Variants in C3orf20 observed in about 807,000 individuals in gnomAD.
C3orf20 encodes the protein uncharacterized protein C3orf20.
A neutral mutation model predicts 88.3 loss-of-function variants in C3orf20; 76 were observed. That is an observed-to-expected ratio of 0.86 (90% CI 0.72 to 1.04). C3orf20 has a LOEUF of 1.04. Among genes scored for constraint, C3orf20 ranks in the 50% least tolerant of loss-of-function variants. The pLI is 0.00. For synonymous variants in C3orf20, 436 were observed against 437.4 expected, an observed-to-expected ratio of 1.00 and a Z score of 0.04; for missense variants, 1,056 against 1,123.3, an observed-to-expected ratio of 0.94 and a Z score of 0.86.
At chr3:14,758,435 C>T (rs2035453034) in intron 13 of C3orf20, among the ~76,000 whole-genome samples, 1 of 152,164 alleles carries the variant, frequency 6.6e-6, no homozygotes, top group African/African-American at 2.4e-5. Flanking sequence ...GTCGTTCCCA[C>T]CTATCAGGCT....
At chr3:14,731,134 G>A (rs1475367410) in intron 12 of C3orf20, among the ~76,000 whole-genome samples, 1 of 152,126 alleles carries the variant, frequency 6.6e-6, no homozygotes, top group African/African-American at 2.4e-5. Flanking sequence ...CTATTCCTTT[G>A]TAGCCAAACC....
intron 12 of C3orf20, among the ~76,000 whole-genome samples, chr3:14,741,717 T>C (rs57973107): frequency 0.067 from 10,146 of 152,272 alleles, 583 homozygotes; most frequent in African/African-American, 0.16. Flanking sequence ...CTGGCGGTGT[T>C]ACAGCTCTGG....
chr3:14,725,461 T>A (rs974449364), intron 10 of C3orf20, among the ~76,000 whole-genome samples: 2 of 152,286 alleles, frequency 1.3e-5, no homozygotes, highest in Admixed American at 1.3e-4. Flanking sequence ...AATATTTCCA[T>A]CAAGGCAGCT....
chr3:14,688,278 C>A (rs984221118), intron 4 of C3orf20, among the ~76,000 whole-genome samples: 1 of 151,900 alleles, frequency 6.6e-6, no homozygotes, highest in African/African-American at 2.4e-5. Context: ...GACTGTAATC[C>A]CAGCACTTTG....
chr3:14,703,558 G>A (rs2033369785), intron 6 of C3orf20, among the ~76,000 whole-genome samples: 1 of 152,222 alleles, frequency 6.6e-6, no homozygotes, highest in Non-Finnish European at 1.5e-5. Context: ...GGCAGCCTAA[G>A]CAGGTATGTG....
intron 15 of C3orf20, among the ~76,000 whole-genome samples, chr3:14,767,677 T>A (rs1188109569): frequency 6.6e-6 from 1 of 152,232 alleles, no homozygotes; most frequent in African/African-American, 2.4e-5. Flanking sequence ...TGTCATGAAT[T>A]CTGTAAAAGA....
intron 15 of C3orf20, among the ~76,000 whole-genome samples, chr3:14,770,701 A>G (rs1325085572): frequency 6.6e-6 from 1 of 152,150 alleles, no homozygotes; most frequent in East Asian, 1.9e-4. Flanking sequence ...GGCCGGACGC[A>G]TAGTAGAGGC....
intron 1 of C3orf20, among the ~76,000 whole-genome samples, chr3:14,676,195 A>G (rs1014501995): frequency 1.4e-5 from 2 of 139,612 alleles, no homozygotes; most frequent in African/African-American, 5.4e-5. Flanking sequence ...CTCTCCATGC[A>G]CAGCCATAGT....
chr3:14,685,464 C>CTG (rs2032350072), intron 4 of C3orf20, among the ~76,000 whole-genome samples: 1 of 103,546 alleles, frequency 9.7e-6, no homozygotes, highest in Non-Finnish European at 2.0e-5. Context: ...CTCTGTTTCT[C>CTG]TCTCTCTCTC....
intron 7 of C3orf20, among the ~76,000 whole-genome samples, chr3:14,712,153 G>GACACAC (rs1190014286): frequency 1.4e-5 from 2 of 139,798 alleles, no homozygotes; most frequent in Admixed American, 1.5e-4. Flanking sequence ...AGAGAAAACA[G>GACACAC]ACACACACAC....
Position 14,772,214 on chromosome 3 carries a change from A to T in C3orf20, c.2630+13A>T. Reference sequence around the variant, plus strand: ...TGGAGGCTGAGAAGTAGGTGACCACATCAGCTGCCAGAATGGGCGTGGCTC... The same window carrying T: ...TGGAGGCTGAGAAGTAGGTGACCACTTCAGCTGCCAGAATGGGCGTGGCTC... On this transcript the variant is annotated intron_variant, in intron 16 of 16. Coordinates refer to ENST00000253697, the MANE Select transcript of C3orf20 (RefSeq NM_032137.5). This position sits in a 1 kb window ranked among gnomAD's most constrained non-coding sequence, Gnocchi z 4.2. The T allele has an allele frequency of 6.2e-7, 1 of 1,614,226 alleles. No individual in the cohort carries two copies. Among genetic ancestry groups the T allele is most frequent in the East Asian group, 2.2e-5 (1 of 44,886 alleles).
chr3:14,716,820 G>T (rs1307176815), intron 9 of C3orf20, among the ~76,000 whole-genome samples: 2 of 152,196 alleles, frequency 1.3e-5, no homozygotes, highest in Non-Finnish European at 2.9e-5. Context: ...ATAAAATAAA[G>T]ATCCCAGGCA....
At chr3:14,703,399 T>C in intron 6 of C3orf20, 137 bp downstream of exon 6, 1 of 1,409,156 alleles carries the variant, frequency 7.1e-7, no homozygotes. Context: ...GTGGGTTATG[T>C]GGTACTCCCC....
intron 15 of C3orf20, among the ~76,000 whole-genome samples, chr3:14,770,238 A>AGT (rs756298682): frequency 6.6e-6 from 1 of 152,130 alleles, no homozygotes; most frequent in Non-Finnish European, 1.5e-5. Context: ...AGCTTAGTTT[A>AGT]GTGTGTGTGC....
chr3:14,696,658 G>A (rs368686738), intron 5 of C3orf20, among the ~76,000 whole-genome samples: 2 of 151,790 alleles, frequency 1.3e-5, no homozygotes, highest in African/African-American at 2.4e-5. Context: ...AATTATAGGC[G>A]TGAGCCACCA....
chr3:14,734,802 C>T (rs1392001777), intron 12 of C3orf20, among the ~76,000 whole-genome samples: 1 of 151,840 alleles, frequency 6.6e-6, no homozygotes. Flanking sequence ...TTAATATCTC[C>T]CACGATAATT....
chr3:14,766,197 T>C (rs1218820096), intron 15 of C3orf20, among the ~76,000 whole-genome samples: 3 of 152,186 alleles, frequency 2.0e-5, no homozygotes, highest in African/African-American at 7.2e-5. Context: ...TCTCCTTTCT[T>C]GTGTGGCAGA....
intron 12 of C3orf20, among the ~76,000 whole-genome samples, chr3:14,752,563 G>C (rs1330887241): frequency 6.6e-6 from 1 of 152,074 alleles, no homozygotes; most frequent in African/African-American, 2.4e-5. Context: ...CTACAGAATG[G>C]GAGAAAAGTT....
At position 14,772,256 on chromosome 3, in the gene C3orf20, G is replaced by C. The variant is rs1388299797; in HGVS notation, c.2630+55G>C. 1.9e-6 allele frequency: 3 copies of C among 1,611,820 alleles called. No individual in the cohort carries two copies. The highest frequency in any genetic ancestry group is 2.5e-6 in the Non-Finnish European group (3 of 1,178,704). On this transcript the variant is annotated intron_variant, in intron 16 of 16. Coordinates refer to ENST00000253697, the MANE Select transcript of C3orf20 (RefSeq NM_032137.5). The surrounding 1 kb of genome is among the most constrained non-coding windows in gnomAD (Gnocchi z 4.2). ...GCGTGGCTCACAGCAGGCCACCTCG[G>C]GGCTATTTGGCCTTGGGCAAGTCAC...
Sources: allele counts gnomAD v4.1 joint callset (sites outside exome capture counted in the v4.1 genomes callset), GRCh38; gene constraint gnomAD v4.1.1; non-coding constraint Gnocchi (gnomAD v3.1); transcripts MANE v1.5; gene names NCBI Gene and HGNC (gene_info 2026-07-23, HGNC 2026-07-21).